ITPR2: variants seen among roughly 807,000 people sequenced by gnomAD.
The protein encoded by ITPR2 is inositol 1,4,5-trisphosphate-gated calcium channel ITPR2.
ITPR2 carries 207 observed loss-of-function variants against 317.1 expected under a neutral mutation model. The observed-to-expected ratio is 0.65, with a 90% CI of 0.58 to 0.73. ITPR2 has a LOEUF of 0.73. Ranked by LOEUF, ITPR2 falls within the 30% of genes least tolerant of loss-of-function variation. The pLI is 0.00. For synonymous variants in ITPR2, 1,156 were observed against 1,149.1 expected (o/e 1.01, Z -0.12); for missense variants, 2,613 against 3,284.0 (o/e 0.80, Z 4.99).
intron 55 of ITPR2, among the ~76,000 whole-genome samples, chr12:26,377,765 GC>G (rs1939387542): frequency 1.3e-5 from 2 of 152,226 alleles, no homozygotes; most frequent in Admixed American, 6.5e-5. Context: ...ATTTTTCTGA[GC>G]CTCAATTCAC....
intron 37 of ITPR2, among the ~76,000 whole-genome samples, chr12:26,498,369 G>A (rs1942993188): frequency 6.6e-6 from 1 of 152,134 alleles, no homozygotes; most frequent in African/African-American, 2.4e-5. Context: ...AAAGTCCTTT[G>A]AGTTGAATTA....
chr12:26,785,238 C>A (rs1185621018), intron 2 of ITPR2, among the ~76,000 whole-genome samples: 1 of 34,952 alleles, frequency 2.9e-5, no homozygotes. Context: ...CTCTGCCCGG[C>A]CGCCCCTACT....
intron 34 of ITPR2, among the ~76,000 whole-genome samples, chr12:26,567,952 A>ATATATATATATATATTATATATATAT (rs1565609289): frequency 5.0e-4 from 3 of 5,992 alleles, no homozygotes; most frequent in African/African-American, 1.4e-3. Flanking sequence ...TATATATATT[A>ATATATATATATATATTATATATATAT]TATATATATA....
intron 37 of ITPR2, among the ~76,000 whole-genome samples, chr12:26,544,529 A>C (rs1184269147): frequency 6.6e-6 from 1 of 151,550 alleles, no homozygotes; most frequent in African/African-American, 2.4e-5. Flanking sequence ...TTTATGCTTC[A>C]TTGCCCTATT....
chr12:26,426,845 TTTA>T (rs1196239664), intron 49 of ITPR2, among the ~76,000 whole-genome samples: 2 of 150,772 alleles, frequency 1.3e-5, no homozygotes, highest in African/African-American at 2.4e-5. Context: ...ATACATTTTA[TTTA>T]TTAAGTAAAT....
chr12:26,591,552 G>A (rs557487919), intron 32 of ITPR2, among the ~76,000 whole-genome samples: 15 of 152,190 alleles, frequency 9.9e-5, no homozygotes, highest in South Asian at 2.1e-4. Context: ...AAAAATAGCC[G>A]GGCGCAGAGG....
intron 2 of ITPR2, among the ~76,000 whole-genome samples, chr12:26,767,166 T>C (rs1189332131): frequency 1.3e-5 from 2 of 152,184 alleles, no homozygotes. Context: ...CTTCTGAGCC[T>C]GGAGTTTGTT....
chr12:26,626,937 T>C (rs1214484438), intron 23 of ITPR2, among the ~76,000 whole-genome samples: 3 of 152,198 alleles, frequency 2.0e-5, no homozygotes, highest in African/African-American at 7.2e-5. Context: ...CTATAATGAC[T>C]TGGCCTGACC....
chr12:26,756,643 T>TG (rs1949526968), intron 2 of ITPR2, among the ~76,000 whole-genome samples: 1 of 152,226 alleles, frequency 6.6e-6, no homozygotes, highest in Admixed American at 6.5e-5. Context: ...GCTTTCTGAC[T>TG]GAGCTCCTCC....
chr12:26,436,642 C>T (rs1941357136), intron 47 of ITPR2, among the ~76,000 whole-genome samples: 1 of 152,180 alleles, frequency 6.6e-6, no homozygotes, highest in African/African-American at 2.4e-5. Flanking sequence ...TAATAACTCT[C>T]TGTAATCTAT....
At chr12:26,669,345 A>C (rs1947696497) in intron 13 of ITPR2, among the ~76,000 whole-genome samples, 1 of 152,160 alleles carries the variant, frequency 6.6e-6, no homozygotes, top group South Asian at 2.1e-4. Context: ...AAAGTTCCAA[A>C]AGACAGAAAG....
chr12:26,665,326 G>A (rs1403355121), intron 14 of ITPR2, among the ~76,000 whole-genome samples: 2 of 152,198 alleles, frequency 1.3e-5, no homozygotes, highest in Non-Finnish European at 2.9e-5. Flanking sequence ...ATTTTCTGGA[G>A]ATAGTCTGAC....
chr12:26,404,600 A>G (rs942224300), intron 52 of ITPR2, among the ~76,000 whole-genome samples: 1 of 152,174 alleles, frequency 6.6e-6, no homozygotes, highest in Non-Finnish European at 1.5e-5. Flanking sequence ...GCAGAAATTA[A>G]AGGAGAGAGG....
At chr12:26,535,903 T>C (rs2136969969) in intron 37 of ITPR2, among the ~76,000 whole-genome samples, 1 of 152,308 alleles carries the variant, frequency 6.6e-6, no homozygotes, top group African/African-American at 2.4e-5. Flanking sequence ...TTTCAAAGAT[T>C]AATATTTATG....
chr12:26,644,242 G>A (rs140741383), intron 21 of ITPR2, among the ~76,000 whole-genome samples: 42 of 152,236 alleles, frequency 2.8e-4, no homozygotes, highest in African/African-American at 9.9e-4. Context: ...GCTGCCCCAG[G>A]TATGGCTCCA....
chr12:26,411,074 AT>A (rs1940530786), intron 52 of ITPR2: 1 of 427,774 alleles, frequency 2.3e-6, no homozygotes, highest in African/African-American at 2.0e-5. Flanking sequence ...TCAGCAGCAC[AT>A]ACCACAGGGT....
intron 55 of ITPR2, among the ~76,000 whole-genome samples, chr12:26,371,549 G>T (rs984499514): frequency 1.3e-5 from 2 of 152,180 alleles, no homozygotes; most frequent in Non-Finnish European, 2.9e-5. Context: ...CTTATAGAGG[G>T]CCTGAGGTCT....
intron 21 of ITPR2, chr12:26,648,754 T>G (rs1947173529): frequency 6.6e-6 from 1 of 152,150 alleles, no homozygotes; most frequent in Non-Finnish European, 1.5e-5. Context: ...TTTCTCTAGG[T>G]ACTTTCCACA....
In ITPR2 at chr12:26,483,688, T is replaced by C. The variant is rs747913165; in HGVS notation, c.6012+10A>G. On this transcript the variant is annotated intron_variant, in intron 42 of 56. Transcript: ENST00000381340. ...CCCTTTACTAATTAGTCATGGATACTTCTGGTTACCTGATTTTCATGGCAA... is the reference window on the plus strand; with the variant it reads ...CCCTTTACTAATTAGTCATGGATACCTCTGGTTACCTGATTTTCATGGCAA... The C allele has an allele frequency of 1.5e-5, 24 of 1,607,094 alleles. 1 individual carries two copies. In the South Asian group the frequency reaches 2.6e-4, roughly 18 times the overall value.
Sources: gnomAD v4.1 joint callset for allele counts (sites outside exome capture counted in the v4.1 genomes callset) on GRCh38, gnomAD v4.1.1 for gene constraint, MANE v1.5 for transcripts, NCBI Gene and HGNC (gene_info 2026-07-23, HGNC 2026-07-21) for gene names.